HMGA2: variants seen among roughly 807,000 people sequenced by gnomAD.
HMGA2 encodes high mobility group AT-hook 2.
HMGA2 carries 8 observed loss-of-function variants against 19.1 expected under a neutral mutation model. The ratio of observed to expected loss-of-function variants is 0.42; its 90% CI spans 0.25 to 0.76. The LOEUF (loss-of-function observed/expected upper bound fraction) is 0.76. HMGA2 is among the 30% of genes least tolerant of loss of function. The pLI is 0.28. For synonymous variants in HMGA2, 60 were observed against 48.8 expected, an observed-to-expected ratio of 1.23 and a Z score of -0.96; for missense variants, 109 against 136.3, an observed-to-expected ratio of 0.80 and a Z score of 1.00.
At chr12:65,841,794 G>A (rs1300932912) in intron 3 of HMGA2, among the ~76,000 whole-genome samples, 1 of 152,142 alleles carries the variant, frequency 6.6e-6, no homozygotes, top group Non-Finnish European at 1.5e-5. Flanking sequence ...ATTCATGTAA[G>A]AGGCCTGGGA....
chr12:65,954,301 T>A (rs928736542), intron 4 of HMGA2: 1 of 152,196 alleles, frequency 6.6e-6, no homozygotes, highest in African/African-American at 2.4e-5. Context: ...CCAAAGTACT[T>A]CCTCTTTGAC....
chr12:65,825,418 C>G lies in HMGA2; in HGVS notation c.111+37C>G, dbSNP rs1870103721. 1.4e-6 allele frequency: 2 copies of G among 1,422,522 alleles called. No individual in the cohort carries two copies. The highest frequency in any genetic ancestry group is 1.9e-6 in the Non-Finnish European group (2 of 1,064,620). The allele number at this position is 1,422,522 out of a possible 1,614,324, so 88.1% of individuals were successfully genotyped here. On this transcript the variant is annotated intron_variant, in intron 1 of 4. Coordinates refer to ENST00000403681, the MANE Select transcript of HMGA2 (RefSeq NM_003483.6). This position sits in a 1 kb window ranked among gnomAD's most constrained non-coding sequence, Gnocchi z 4.4. ...GGCGCGGTGGGGGCACCAGCCCACCCCGTCCCCACTGCCGGGGCCCAGACA... is the reference window on the plus strand; with the variant it reads ...GGCGCGGTGGGGGCACCAGCCCACCGCGTCCCCACTGCCGGGGCCCAGACA...
intron 4 of HMGA2, among the ~76,000 whole-genome samples, chr12:65,960,805 T>C (rs189882602): frequency 6.6e-6 from 1 of 152,328 alleles, no homozygotes; most frequent in Admixed American, 6.5e-5. Context: ...ATCCACATTG[T>C]CTTATCCACA....
At chr12:65,914,452 A>G (rs1025039752) in intron 3 of HMGA2, among the ~76,000 whole-genome samples, 1 of 131,472 alleles carries the variant, frequency 7.6e-6, no homozygotes, top group Non-Finnish European at 1.5e-5. Flanking sequence ...ATGAGATCAC[A>G]TGGACACAGG....
At chr12:65,828,852 C>A (rs1870349685) in intron 2 of HMGA2, 2 of 152,130 alleles carry the variant, frequency 1.3e-5, no homozygotes, top group South Asian at 4.1e-4. Context: ...TTTAAACTTG[C>A]AGTTTAAGAT....
rs1295801748 is a variant in HMGA2, at chr12:65,831,593, T to C, written c.198+3506T>C. ...TGAAAATATCTAGATAAAGTAGTTA[T>C]AGTTAAAATAATGTGTTCAGAGTAA... On this transcript the variant is annotated intron_variant, in intron 2 of 4. Coordinates refer to ENST00000403681, the MANE Select transcript of HMGA2 (RefSeq NM_003483.6). Among the ~76,000 whole-genome samples, 2 of 151,866 alleles carry C rather than the reference T, an allele frequency of 1.3e-5. 1 individual carries two copies. The highest frequency in any genetic ancestry group is 3.0e-5 in the Non-Finnish European group (2 of 67,760).
At chr12:65,918,666 T>C (rs1383043083) in intron 3 of HMGA2, among the ~76,000 whole-genome samples, 1 of 152,184 alleles carries the variant, frequency 6.6e-6, no homozygotes, top group Non-Finnish European at 1.5e-5. Flanking sequence ...CAGATTTTGG[T>C]AAAGATCAAG....
At chr12:65,957,801 T>C (rs558519619) in intron 4 of HMGA2, 35 of 152,240 alleles carry the variant, frequency 2.3e-4, no homozygotes, top group Non-Finnish European at 4.0e-4. Flanking sequence ...TGGAACTCTG[T>C]TGAGGCTACA....
chr12:65,834,544 T>C (rs1341123782), intron 2 of HMGA2, among the ~76,000 whole-genome samples: 5 of 147,862 alleles, frequency 3.4e-5, no homozygotes, highest in African/African-American at 5.0e-5. Flanking sequence ...CTTCCTTTTT[T>C]TCCTTCCTTC....
At chr12:65,905,633 C>A (rs1251727046) in intron 3 of HMGA2, among the ~76,000 whole-genome samples, 1 of 152,214 alleles carries the variant, frequency 6.6e-6, no homozygotes, top group African/African-American at 2.4e-5. Flanking sequence ...GTGTGCATGA[C>A]AATGCCTGCC....
chr12:65,850,455 C>T (rs969567510), intron 3 of HMGA2, among the ~76,000 whole-genome samples: 6 of 151,378 alleles, frequency 4.0e-5, no homozygotes, highest in East Asian at 1.9e-4. Flanking sequence ...GATCAATGCA[C>T]TTAGATTGTG....
intron 3 of HMGA2, among the ~76,000 whole-genome samples, chr12:65,939,541 A>G (rs552552745): frequency 8.9e-4 from 135 of 152,242 alleles, no homozygotes; most frequent in Non-Finnish European, 1.6e-3. Context: ...CTTTTAGTAG[A>G]GATGGGGTTT....
chr12:65,961,480 G>C (rs921110436), intron 4 of HMGA2, among the ~76,000 whole-genome samples: 1 of 152,132 alleles, frequency 6.6e-6, no homozygotes, highest in Non-Finnish European at 1.5e-5. Context: ...CAGTTTGGGG[G>C]TTGGGAGTTA....
intron 3 of HMGA2, chr12:65,843,630 T>A (rs2612057): frequency 0.074 from 12,565 of 168,696 alleles, 550 homozygotes; most frequent in South Asian, 0.14. Flanking sequence ...GTTTTACATG[T>A]CCATTACTGT....
At chr12:65,912,412 C>T (rs1336115046) in intron 3 of HMGA2, among the ~76,000 whole-genome samples, 4 of 152,086 alleles carry the variant, frequency 2.6e-5, no homozygotes, top group Non-Finnish European at 5.9e-5. Flanking sequence ...CCTGGGAGCA[C>T]TCTTCATGGT....
In HMGA2 at chr12:65,964,700, T is replaced by G; in HGVS notation, c.*1408T>G. 1 of 203,044 alleles carries G rather than the reference T, an allele frequency of 4.9e-6. No individual in the cohort carries two copies. Among genetic ancestry groups the G allele is most frequent in the Non-Finnish European group, 1.0e-5 (1 of 98,774 alleles). 12.6% of individuals were successfully genotyped at this position (203,044 alleles called of 1,614,324 possible). Reference sequence around the variant, plus strand: ...ATTACAGTTAAAGAAGCAATCTCCTTACTGTGTTTCAGCATGACTATGTAT... The same window carrying G: ...ATTACAGTTAAAGAAGCAATCTCCTGACTGTGTTTCAGCATGACTATGTAT... On this transcript the variant is annotated 3_prime_UTR_variant, in exon 5 of 5. Transcript: ENST00000403681.
intron 4 of HMGA2, chr12:65,956,278 T>A (rs1342213938): frequency 6.6e-6 from 1 of 152,238 alleles, no homozygotes; most frequent in African/African-American, 2.4e-5. Flanking sequence ...TAGTACCAAC[T>A]GGCAAAACAT....
intron 2 of HMGA2, among the ~76,000 whole-genome samples, chr12:65,829,237 T>C (rs1392119741): frequency 6.6e-6 from 1 of 152,128 alleles, no homozygotes; most frequent in Non-Finnish European, 1.5e-5. Context: ...TGAGTTCTTG[T>C]CTGTTTTAAC....
At chr12:65,854,000 C>G (rs754291728) in intron 3 of HMGA2, among the ~76,000 whole-genome samples, 1 of 152,170 alleles carries the variant, frequency 6.6e-6, no homozygotes, top group Non-Finnish European at 1.5e-5. Context: ...AGAACTCTTA[C>G]AGGATTAATG....
Sources: allele counts gnomAD v4.1 joint callset (sites outside exome capture counted in the v4.1 genomes callset), GRCh38; gene constraint gnomAD v4.1.1; non-coding constraint Gnocchi (gnomAD v3.1); transcripts MANE v1.5; gene names NCBI Gene and HGNC (gene_info 2026-07-23, HGNC 2026-07-21).